Variants in MLIP observed in about 807,000 individuals in gnomAD.
The protein encoded by MLIP is muscular LMNA-interacting protein.
Under a neutral mutation model 84.8 loss-of-function variants are expected in MLIP, and 79 were observed. The observed-to-expected ratio is 0.93, with a 90% CI of 0.78 to 1.12. MLIP has a LOEUF of 1.12. Ranked by LOEUF, MLIP falls within the 50% of genes most tolerant of loss-of-function variation. The pLI, the probability that MLIP is intolerant of heterozygous loss-of-function variation, is 0.00. For synonymous variants in MLIP, 504 were observed against 463.0 expected (o/e 1.09, Z -1.14); for missense variants, 1,257 against 1,160.6 (o/e 1.08, Z -1.21).
intron 12 of MLIP, among the ~76,000 whole-genome samples, chr6:54,234,286 G>A (rs1383003489): frequency 6.6e-6 from 1 of 151,976 alleles, no homozygotes; most frequent in East Asian, 1.9e-4. Context: ...TTTAAAATGA[G>A]AATAATAATA....
At chr6:54,103,655 A>C (rs1181959994) in intron 1 of MLIP, among the ~76,000 whole-genome samples, 1 of 152,168 alleles carries the variant, frequency 6.6e-6, no homozygotes, top group Non-Finnish European at 1.5e-5. Flanking sequence ...AACTGACAAA[A>C]ATTGGCTTTC....
rs1028540866 is a variant in MLIP, at chr6:54,137,230, T to C, written c.1161T>C (p.Ser387=). ...CATTTACCTCCTCTTTCCACGGCTC[T>C]TCTTCCACCATCTGCAGCCAAATGT... ...PKPFTSSFHG[S]SSTICSQMSS... is the part of the protein sequence containing the mutation. Residue 387 remains serine, a synonymous_variant, in exon 4 of 14, where the codon TCT becomes TCC. Coordinates refer to ENST00000502396, the MANE Select transcript of MLIP (RefSeq NM_001281747.2). The C allele has an allele frequency of 5.9e-6, 9 of 1,536,096 alleles. No homozygotes were observed. The highest frequency in any genetic ancestry group is 7.8e-6 in the Non-Finnish European group (9 of 1,146,898).
intron 1 of MLIP, among the ~76,000 whole-genome samples, chr6:54,050,482 A>T (rs545700409): frequency 6.6e-6 from 1 of 152,226 alleles, no homozygotes; most frequent in East Asian, 1.9e-4. Context: ...GTTCTCATTA[A>T]ATATTCTTCA....
chr6:54,029,319 C>T (rs1581986645), intron 1 of MLIP: 1 of 152,136 alleles, frequency 6.6e-6, no homozygotes, highest in East Asian at 1.9e-4. Context: ...AGGTTGGAGT[C>T]CTAGTGGATG....
At chr6:54,252,121 TTATAACATATAATATATAACTATAA>T (rs1562109880) in intron 12 of MLIP, among the ~76,000 whole-genome samples, 5 of 97,822 alleles carry the variant, frequency 5.1e-5, no homozygotes, top group Non-Finnish European at 6.8e-5. Context: ...TATAACTATA[TTATAACATATAATATATAACTATAA>T]TATAACATAT....
chr6:54,213,476 C>G (rs56341219), intron 11 of MLIP, among the ~76,000 whole-genome samples: 4,771 of 151,880 alleles, frequency 0.031, 222 homozygotes, highest in African/African-American at 0.11. Flanking sequence ...CCAAGGCAGG[C>G]AGATTACCTG....
chr6:54,208,677 T>G (rs1223182153), intron 11 of MLIP, among the ~76,000 whole-genome samples: 2 of 152,184 alleles, frequency 1.3e-5, no homozygotes, highest in Admixed American at 1.3e-4. Flanking sequence ...ATCCTCAAAT[T>G]TTGAGACAAG....
intron 12 of MLIP, among the ~76,000 whole-genome samples, chr6:54,239,985 G>T (rs376702307): frequency 1.3e-5 from 2 of 152,108 alleles, no homozygotes; most frequent in East Asian, 3.9e-4. Context: ...ATAGTGAAAT[G>T]CAAGTTAAAA....
At chr6:54,018,980 T>C (rs772405590) in exon 1 of MLIP, 1 of 1,501,908 alleles carries the variant, frequency 6.7e-7, no homozygotes, top group East Asian at 2.3e-5. Flanking sequence ...AGACAGAATC[T>C]GAACCTCTGT....
At chr6:54,260,658 G>A (rs1783322663) in intron 13 of MLIP, among the ~76,000 whole-genome samples, 3 of 151,952 alleles carry the variant, frequency 2.0e-5, no homozygotes, top group Admixed American at 1.3e-4. Context: ...CTAAAAACTT[G>A]AGTGACAACA....
intron 12 of MLIP, among the ~76,000 whole-genome samples, chr6:54,252,020 A>AAT (rs542472989): frequency 1.1e-5 from 1 of 91,324 alleles, no homozygotes; most frequent in Non-Finnish European, 1.8e-5. Context: ...ATATAATATA[A>AAT]ATATATATAT....
At chr6:54,211,586 C>G (rs1433985790) in intron 11 of MLIP, among the ~76,000 whole-genome samples, 1 of 152,174 alleles carries the variant, frequency 6.6e-6, no homozygotes, top group African/African-American at 2.4e-5. Context: ...TGGTTAATCA[C>G]CTCTACTCTG....
intron 10 of MLIP, among the ~76,000 whole-genome samples, chr6:54,197,375 T>A (rs1030916957): frequency 3.3e-5 from 5 of 152,112 alleles, no homozygotes; most frequent in African/African-American, 9.7e-5. Context: ...GTCTTTTTTT[T>A]ATCTCTATAG....
At chr6:54,048,572 G>A (rs971344411) in intron 1 of MLIP, among the ~76,000 whole-genome samples, 4 of 152,220 alleles carry the variant, frequency 2.6e-5, no homozygotes, top group Non-Finnish European at 4.4e-5. Flanking sequence ...AGATGTTTAT[G>A]GGAAACAAAG....
intron 10 of MLIP, among the ~76,000 whole-genome samples, chr6:54,193,967 T>A (rs1582463584): frequency 6.6e-6 from 1 of 152,154 alleles, no homozygotes; most frequent in South Asian, 2.1e-4. Flanking sequence ...CTGGTTTAGA[T>A]GACATTTGCC....
intron 13 of MLIP, among the ~76,000 whole-genome samples, chr6:54,258,109 T>A (rs1478615475): frequency 1.3e-5 from 2 of 152,028 alleles, no homozygotes; most frequent in African/African-American, 4.8e-5. Flanking sequence ...AAAAAGTGAT[T>A]TTAAAAAACT....
intron 10 of MLIP, among the ~76,000 whole-genome samples, chr6:54,190,824 C>T (rs1469924703): frequency 7.0e-6 from 1 of 141,984 alleles, no homozygotes; most frequent in African/African-American, 2.6e-5. Flanking sequence ...GAGACGGAGT[C>T]TCGCTCTGTC....
chr6:54,188,381 A>C (rs995404646), intron 9 of MLIP, among the ~76,000 whole-genome samples: 7 of 152,112 alleles, frequency 4.6e-5, no homozygotes, highest in African/African-American at 1.7e-4. Context: ...CTTGAAACAC[A>C]AATGCATTTT....
intron 11 of MLIP, among the ~76,000 whole-genome samples, chr6:54,224,868 A>T (rs1475715146): frequency 1.3e-5 from 2 of 152,128 alleles, no homozygotes; most frequent in East Asian, 3.9e-4. Flanking sequence ...CTTCACTTAG[A>T]ATAATAGTCT....
Sources: gnomAD v4.1 joint callset for allele counts (sites outside exome capture counted in the v4.1 genomes callset) on GRCh38, gnomAD v4.1.1 for gene constraint, MANE v1.5 for transcripts, NCBI Gene and HGNC (gene_info 2026-07-23, HGNC 2026-07-21) for gene names.